MDGA2: variants seen among roughly 807,000 people sequenced by gnomAD.
MDGA2 encodes the protein MAM domain containing glycosylphosphatidylinositol anchor 2.
Under a neutral mutation model 117.8 loss-of-function variants are expected in MDGA2, and 40 were observed. The observed-to-expected ratio is 0.34, with a 90% CI of 0.26 to 0.44. MDGA2 has a LOEUF of 0.44. Among genes scored for constraint, MDGA2 ranks in the 20% least tolerant of loss-of-function variants. MDGA2 has a pLI of 1.00. For synonymous variants in MDGA2, 452 were observed against 439.0 expected, an observed-to-expected ratio of 1.03 and a Z score of -0.37; for missense variants, 1,123 against 1,250.6, an observed-to-expected ratio of 0.90 and a Z score of 1.54.
intron 1 of MDGA2, among the ~76,000 whole-genome samples, chr14:47,308,168 G>A (rs546092635): frequency 6.6e-6 from 1 of 152,250 alleles, no homozygotes; most frequent in South Asian, 2.1e-4. Flanking sequence ...GTCAAAAGAT[G>A]AACGATGTGT....
Position 46,957,421 on chromosome 14 carries a change from C to T in MDGA2, c.2042G>A (p.Ser681Asn), listed in dbSNP as rs756963832. The T allele has an allele frequency of 3.1e-6, 5 of 1,614,134 alleles. No individual in the cohort carries two copies. The highest frequency in any genetic ancestry group is 4.2e-6 in the Non-Finnish European group (5 of 1,179,996). Reference sequence around the variant, plus strand: ...CCCAGCTCCAGCTTCATTTATGATGCTACAGTTATAAACCCCATAGTTTTC... The same window carrying T: ...CCCAGCTCCAGCTTCATTTATGATGTTACAGTTATAAACCCCATAGTTTTC... ...SNENYGVYNC[S>N]IINEAGAGRC... Residue 681 changes from serine to asparagine, a missense_variant, in exon 9 of 17, where the codon AGC becomes AAC. Transcript: ENST00000399232.
intron 2 of MDGA2, among the ~76,000 whole-genome samples, chr14:47,259,224 G>A (rs554031590): frequency 6.6e-6 from 1 of 151,924 alleles, no homozygotes; most frequent in Admixed American, 6.6e-5. Context: ...GATTATAATG[G>A]GTGGGGGAGG....
chr14:47,372,781 G>A (rs1263686150), intron 1 of MDGA2, among the ~76,000 whole-genome samples: 3 of 151,844 alleles, frequency 2.0e-5, no homozygotes, highest in Middle Eastern at 3.2e-3. Flanking sequence ...CTTTGTAGCT[G>A]CAAAAAAACT....
intron 1 of MDGA2, among the ~76,000 whole-genome samples, chr14:47,368,144 T>C (rs1025202770): frequency 6.6e-6 from 1 of 150,888 alleles, no homozygotes; most frequent in Non-Finnish European, 1.5e-5. Context: ...TAGCCGGGAG[T>C]GGTGGCTCAT....
intron 1 of MDGA2, among the ~76,000 whole-genome samples, chr14:47,594,177 G>T (rs979293268): frequency 6.6e-6 from 1 of 152,110 alleles, no homozygotes; most frequent in African/African-American, 2.4e-5. Context: ...CTAAATTAAG[G>T]CTTGCTCCCT....
In MDGA2 at chr14:47,386,992, A is replaced by G. The variant is rs569156717; in HGVS notation, c.281-85442T>C. Among the ~76,000 whole-genome samples, 8 of 152,318 alleles carry G rather than the reference A, an allele frequency of 5.3e-5. No homozygotes were observed. The South Asian group carries it at 1.7e-3, about 32-fold the overall frequency. ...ATGGCACATGGTACATATTCAACAA[A>G]TGGCAGCTCTTGATACATAATGAAT... On this transcript the variant is annotated intron_variant, in intron 1 of 16. Transcript: ENST00000399232.
chr14:47,095,271 T>C (rs1225456825), intron 6 of MDGA2, among the ~76,000 whole-genome samples: 1 of 151,964 alleles, frequency 6.6e-6, no homozygotes, highest in Non-Finnish European at 1.5e-5. Flanking sequence ...CTATTAGTAA[T>C]CATGACCTGA....
rs1371800570 is a variant in MDGA2 at position 46,841,105 on chromosome 14, T to C, written c.*826A>G. 2 of 152,692 alleles carry C rather than the reference T, an allele frequency of 1.3e-5. No individual in the cohort carries two copies. The highest frequency in any genetic ancestry group is 1.9e-4 in the East Asian group (1 of 5,174). 9.5% of individuals were successfully genotyped at this position (152,692 alleles called of 1,614,324 possible). On this transcript the variant is annotated 3_prime_UTR_variant, in exon 17 of 17. Transcript: ENST00000399232. Reference sequence around the variant, plus strand: ...TTGAAAATTATTCAGGCTTGTTTCATTGAAGGCACTTGGTTTCCATGGCAA... The same window carrying C: ...TTGAAAATTATTCAGGCTTGTTTCACTGAAGGCACTTGGTTTCCATGGCAA...
At chr14:46,887,748 T>C (rs1353334058) in intron 10 of MDGA2, among the ~76,000 whole-genome samples, 1 of 151,850 alleles carries the variant, frequency 6.6e-6, no homozygotes, top group East Asian at 1.9e-4. Flanking sequence ...GATGACACTT[T>C]TACTGTCTCT....
chr14:47,261,093 A>C (rs1282901297), intron 2 of MDGA2, among the ~76,000 whole-genome samples: 1 of 152,086 alleles, frequency 6.6e-6, no homozygotes, highest in Non-Finnish European at 1.5e-5. Context: ...GTGTAGGCTT[A>C]AGAGGGTTCA....
chr14:46,988,949 A>G (rs1243414484), intron 8 of MDGA2, among the ~76,000 whole-genome samples: 1 of 152,018 alleles, frequency 6.6e-6, no homozygotes, highest in African/African-American at 2.4e-5. Flanking sequence ...CTGGACTGCT[A>G]GAGTAAACTC....
intron 10 of MDGA2, among the ~76,000 whole-genome samples, chr14:46,892,808 T>A (rs1225166883): frequency 2.0e-5 from 3 of 151,816 alleles, no homozygotes; most frequent in African/African-American, 7.2e-5. Context: ...AAATTAAATA[T>A]CATCTTACAT....
At chr14:46,994,147 A>AC (rs1261386681) in intron 8 of MDGA2, among the ~76,000 whole-genome samples, 1 of 152,002 alleles carries the variant, frequency 6.6e-6, no homozygotes, top group Non-Finnish European at 1.5e-5. Flanking sequence ...TGTTGGCAAT[A>AC]CTCTGCGCAT....
At chr14:47,070,278 T>C (rs1056913383) in intron 6 of MDGA2, among the ~76,000 whole-genome samples, 1 of 152,198 alleles carries the variant, frequency 6.6e-6, no homozygotes, top group African/African-American at 2.4e-5. Context: ...TTTTTTACTA[T>C]AGGCCCCTGG....
At position 47,664,767 on chromosome 14, in the gene MDGA2, A is replaced by C. The variant is rs144758469; in HGVS notation, c.280+9750T>G. Among the ~76,000 whole-genome samples the C allele has an allele frequency of 3.1e-3, 472 of 152,338 alleles. 1 individual carries two copies. The highest frequency in any genetic ancestry group is 0.011 in the African/African-American group (444 of 41,576). ...ATGATTTTAGTCATTCTGGACCCAT[A>C]GTTGCTGCTGCTAAACAGCACTTCT... On this transcript the variant is annotated intron_variant, in intron 1 of 16. Transcript: ENST00000399232.
At chr14:47,034,759 CACACACACACTA>C (rs1433261544) in intron 8 of MDGA2, among the ~76,000 whole-genome samples, 1 of 151,718 alleles carries the variant, frequency 6.6e-6, no homozygotes, top group African/African-American at 2.4e-5. Flanking sequence ...CACACACACA[CACACACACACTA>C]AAACAACTCT....
At chr14:47,421,360 C>G (rs1020848851) in intron 1 of MDGA2, among the ~76,000 whole-genome samples, 88 of 152,240 alleles carry the variant, frequency 5.8e-4, no homozygotes, top group African/African-American at 1.9e-3. Context: ...AGAATCCTGC[C>G]TTCTTTGGCT....
intron 1 of MDGA2, among the ~76,000 whole-genome samples, chr14:47,432,647 T>C (rs1462379326): frequency 6.6e-6 from 1 of 152,054 alleles, no homozygotes; most frequent in Non-Finnish European, 1.5e-5. Context: ...AAAAGAATGG[T>C]TGCCTTGAAT....
intron 1 of MDGA2, among the ~76,000 whole-genome samples, chr14:47,571,935 A>G (rs1021548479): frequency 2.0e-5 from 3 of 152,164 alleles, no homozygotes; most frequent in African/African-American, 7.2e-5. Flanking sequence ...ATTCACACAA[A>G]CACACCTGAA....
Sources: gnomAD v4.1 joint callset for allele counts (sites outside exome capture counted in the v4.1 genomes callset) on GRCh38, gnomAD v4.1.1 for gene constraint, MANE v1.5 for transcripts, NCBI Gene and HGNC (gene_info 2026-07-23, HGNC 2026-07-21) for gene names.